LPIN1: variants seen among roughly 807,000 people sequenced by gnomAD.
LPIN1 encodes phosphatidate phosphatase LPIN1.
In LPIN1, 71 loss-of-function variants were observed where a neutral mutation model predicts 107.5. That is an observed-to-expected ratio of 0.66 (90% CI 0.55 to 0.80). The LOEUF (loss-of-function observed/expected upper bound fraction) is 0.80. LPIN1 is among the 30% of genes least tolerant of loss of function. The probability of loss-of-function intolerance (pLI) is 0.00; values close to 1 mark genes in which losing one functional copy is unlikely to be tolerated. For missense variants in LPIN1, 1,043 were observed against 1,160.6 expected, an observed-to-expected ratio of 0.90 and a Z score of 1.47; for synonymous variants, 445 against 452.6, an observed-to-expected ratio of 0.98 and a Z score of 0.21.
chr2:11,814,986 A>G, intron 17 of LPIN1, 102 bp from the exon 18 acceptor site: 8 of 1,129,010 alleles, frequency 7.1e-6, no homozygotes, highest in Non-Finnish European at 1.1e-5. Context: ...GGGAACTTGA[A>G]ACAGTGCCAT....
intron 1 of LPIN1, among the ~76,000 whole-genome samples, chr2:11,747,952 C>T (rs544979087): frequency 1.3e-5 from 2 of 152,338 alleles, no homozygotes; most frequent in Admixed American, 1.3e-4. Context: ...GAGGTCTGGG[C>T]TCTGCCTGAG....
At chr2:11,727,749 C>A (rs1479558378) in intron 1 of LPIN1, among the ~76,000 whole-genome samples, 2 of 152,206 alleles carry the variant, frequency 1.3e-5, no homozygotes, top group East Asian at 3.8e-4. Flanking sequence ...CAACTTCTTT[C>A]TCCAACAGTG....
chr2:11,782,163 T>C (rs770201169), intron 7 of LPIN1, 38 bp from the exon 8 acceptor site: 2 of 1,546,420 alleles, frequency 1.3e-6, no homozygotes, highest in Admixed American at 1.7e-5. Flanking sequence ...TGTGCTGACC[T>C]TGTCTCTCTC....
chr2:11,801,718 A>G lies in LPIN1; in HGVS notation c.1887-1189A>G, dbSNP rs184824602. Among the ~76,000 whole-genome samples, 326 of 152,292 alleles carry G rather than the reference A, an allele frequency of 2.1e-3. 9 individuals are homozygous for G. The highest frequency in any genetic ancestry group is 2.3e-3 in the Non-Finnish European group (157 of 68,016). On this transcript the variant is annotated intron_variant, in intron 14 of 20. Transcript: ENST00000674199. ...AGTAGAATGATTATAGTTAACGGCA[A>G]TTTATTATAAATTTCAAAATAGTTA...
intron 3 of LPIN1, 30 bp downstream of exon 3, chr2:11,767,888 T>A: frequency 7.1e-7 from 1 of 1,409,564 alleles, no homozygotes; most frequent in South Asian, 1.2e-5. Context: ...CAGGGTTACT[T>A]CCTAGTTTTG....
chr2:11,800,436 C>T (rs563845874), intron 14 of LPIN1, among the ~76,000 whole-genome samples: 62 of 152,178 alleles, frequency 4.1e-4, no homozygotes, highest in African/African-American at 1.5e-3. Context: ...GAGACAGGGT[C>T]TTACTCTGTC....
rs1663538247 is a variant in LPIN1, at chr2:11,713,542, A to G, written c.82-214A>G. Among the ~76,000 whole-genome samples the G allele has an allele frequency of 3.9e-5, 6 of 152,288 alleles. No individual in the cohort carries two copies. In the South Asian group the frequency reaches 1.2e-3, roughly 32 times the overall value. On this transcript the variant is annotated intron_variant, in intron 1 of 21. Coordinates refer to the LPIN1 transcript ENST00000449576. ...TGCTTTGGCCTTCCAAAGTGCTGGGATTACAGGCATGAGCCACTGTGCCCG... is the reference window on the plus strand; with the variant it reads ...TGCTTTGGCCTTCCAAAGTGCTGGGGTTACAGGCATGAGCCACTGTGCCCG...
At chr2:11,749,219 G>C (rs949492357) in intron 1 of LPIN1, among the ~76,000 whole-genome samples, 1 of 152,156 alleles carries the variant, frequency 6.6e-6, no homozygotes, top group Admixed American at 6.5e-5. Flanking sequence ...GGTGCCTATC[G>C]GATGGCTGTT....
chr2:11,791,976 A>C lies in LPIN1; in HGVS notation c.1776A>C (p.Ser592=), dbSNP rs1440050622. ...MPKKGGRWWF[S]WRGRNTTIKE... ...AAAAGGGAGGAAGATGGTGGTTTTC[A>C]TGGAGGGGAAGAAACACCACAATCA... The change falls in exon 13 of 21, where the codon TCA becomes TCC. Residue 592 remains serine, a synonymous_variant. Transcript: ENST00000674199. The C allele has an allele frequency of 1.9e-6, 3 of 1,613,864 alleles. No homozygotes were observed. Among genetic ancestry groups the C allele is most frequent in the African/African-American group, 1.3e-5 (1 of 74,946 alleles).
intron 17 of LPIN1, among the ~76,000 whole-genome samples, chr2:11,806,752 C>T (rs192119962): frequency 6.5e-4 from 99 of 152,212 alleles, no homozygotes; most frequent in African/African-American, 1.9e-3. Context: ...AACAGTAAAG[C>T]GCAGAGGTTG....
At chr2:11,780,256 T>C (rs535830259) in intron 7 of LPIN1, among the ~76,000 whole-genome samples, 68 of 152,328 alleles carry the variant, frequency 4.5e-4, no homozygotes, top group African/African-American at 1.6e-3. Context: ...CTTGCTGTCT[T>C]GAAACTGTAA....
chr2:11,778,593 G>A (rs770312005), intron 6 of LPIN1, among the ~76,000 whole-genome samples: 1 of 152,188 alleles, frequency 6.6e-6, no homozygotes, highest in Non-Finnish European at 1.5e-5. Flanking sequence ...GAAAGAAGAC[G>A]GCAAGGGAAA....
At chr2:11,740,408 A>G (rs1031534647) in intron 1 of LPIN1, among the ~76,000 whole-genome samples, 6 of 152,090 alleles carry the variant, frequency 3.9e-5, no homozygotes, top group African/African-American at 1.4e-4. Context: ...ATTAACCATC[A>G]CACCCTTCAA....
intron 1 of LPIN1, among the ~76,000 whole-genome samples, chr2:11,683,641 T>A (rs560440064): frequency 3.9e-4 from 59 of 152,314 alleles, no homozygotes; most frequent in African/African-American, 1.3e-3. Flanking sequence ...CTGGACTCTA[T>A]GCAGAGGAGA....
intron 7 of LPIN1, among the ~76,000 whole-genome samples, chr2:11,781,873 A>G (rs533732101): frequency 6.6e-6 from 1 of 152,336 alleles, no homozygotes; most frequent in Admixed American, 6.5e-5. Flanking sequence ...GTGTAGCTGT[A>G]ATTCATTTAT....
intron 17 of LPIN1, among the ~76,000 whole-genome samples, chr2:11,807,710 C>G (rs1678954265): frequency 1.3e-5 from 2 of 152,154 alleles, no homozygotes; most frequent in African/African-American, 4.8e-5. Context: ...AGACCCAAAC[C>G]TTTGCCTGCT....
In LPIN1 at chr2:11,815,163, G is replaced by A; in HGVS notation, c.2325G>A (p.Trp775Ter). ...ACATGACGCGGGGCTACCTGCACTG[G>A]GTCAACGAGAGGGGCACGGTGCTGC... ...MADMTRGYLH[W>*]VNERGTVLPQ... is the part of the protein sequence containing the mutation. Residue 775 changes from tryptophan to a stop codon, truncating the protein, a stop_gained, in exon 18 of 21, where the codon TGG (tryptophan) becomes TGA (stop). Coordinates refer to ENST00000674199, the MANE Select transcript of LPIN1 (RefSeq NM_001349206.2). LOFTEE classifies it high-confidence loss of function. The A allele has an allele frequency of 6.2e-7, 1 of 1,614,182 alleles. No individual in the cohort carries two copies. Among genetic ancestry groups the A allele is most frequent in the South Asian group, 1.1e-5 (1 of 91,076 alleles).
intron 1 of LPIN1, among the ~76,000 whole-genome samples, chr2:11,680,288 C>T (rs1661644018): frequency 6.6e-6 from 1 of 152,136 alleles, no homozygotes; most frequent in Admixed American, 6.5e-5. Flanking sequence ...CAGCGTGAGC[C>T]CTCGGAGGCA....
At chr2:11,806,839 A>G (rs541776479) in intron 17 of LPIN1, among the ~76,000 whole-genome samples, 25 of 152,334 alleles carry the variant, frequency 1.6e-4, no homozygotes, top group African/African-American at 6.0e-4. Flanking sequence ...GTTTGGTTCT[A>G]TCTTGCTGAA....
Sources: allele counts gnomAD v4.1 joint callset (sites outside exome capture counted in the v4.1 genomes callset), GRCh38; gene constraint gnomAD v4.1.1; transcripts MANE v1.5; gene names NCBI Gene and HGNC (gene_info 2026-07-23, HGNC 2026-07-21).